The following ETHE1 variants were observed in gnomAD, a reference collection of about 807,000 sequenced individuals.
ETHE1 encodes ETHE1 persulfide dioxygenase.
In ETHE1, 16 loss-of-function variants were observed where a neutral mutation model predicts 25.7. That is an observed-to-expected ratio of 0.62 (90% confidence interval 0.42 to 0.95). ETHE1 has a LOEUF of 0.95. ETHE1 is among the 40% of genes least tolerant of loss of function. The pLI is 0.00. For synonymous variants in ETHE1, 139 were observed against 135.9 expected (o/e 1.02, Z -0.16); for missense variants, 300 against 333.6 (o/e 0.90, Z 0.79).
intron 4 of ETHE1, among the ~76,000 whole-genome samples, chr19:43,509,625 C>G (rs1971868688): frequency 6.6e-6 from 1 of 151,786 alleles, no homozygotes; most frequent in African/African-American, 2.4e-5. Flanking sequence ...AAAACCCTGT[C>G]TCTACTAAAA....
chr19:43,525,358 ACT>A (rs1435781427), intron 3 of ETHE1: 2 of 151,966 alleles, frequency 1.3e-5, no homozygotes, highest in African/African-American at 4.8e-5. Context: ...TCCTCTAAAC[ACT>A]CTGACTCAAA....
At chr19:43,520,537 C>CA (rs1285563829) in intron 3 of ETHE1, among the ~76,000 whole-genome samples, 1 of 151,872 alleles carries the variant, frequency 6.6e-6, no homozygotes, top group African/African-American at 2.4e-5. Context: ...TCTGTCTTTA[C>CA]AAAAAACACA....
At chr19:43,516,818 C>T (rs1289303880) in intron 3 of ETHE1, among the ~76,000 whole-genome samples, 2 of 151,392 alleles carry the variant, frequency 1.3e-5, no homozygotes, top group East Asian at 1.9e-4. Flanking sequence ...TTAGTAGAGA[C>T]GAGGTTTCAT....
At chr19:43,508,161 C>T (rs1310938759) in intron 5 of ETHE1, 101 bp from the exon 6 acceptor site, 3 of 1,552,268 alleles carry the variant, frequency 1.9e-6, no homozygotes, top group Non-Finnish European at 2.6e-6. Context: ...CTGGCAGGGG[C>T]TCTTCCCAGA....
At chr19:43,511,333 C>A in intron 4 of ETHE1, 104 bp downstream of exon 4, 1 of 1,559,016 alleles carries the variant, frequency 6.4e-7, no homozygotes, top group South Asian at 1.1e-5. Context: ...CTGAAGCCCC[C>A]TAAAAGTCTA....
At chr19:43,512,088 C>T (rs1422455888) in intron 3 of ETHE1, among the ~76,000 whole-genome samples, 1 of 152,168 alleles carries the variant, frequency 6.6e-6, no homozygotes, top group African/African-American at 2.4e-5. Context: ...TGAGGCCTCC[C>T]CAGCCATGTG....
intron 3 of ETHE1, among the ~76,000 whole-genome samples, chr19:43,525,124 A>AT (rs1374725173): frequency 6.8e-6 from 1 of 146,956 alleles, no homozygotes. Context: ...CCAGTCTCAA[A>AT]TAAAAAAAAA....
chr19:43,511,712 T>G, intron 3 of ETHE1, 146 bp from the exon 4 acceptor site: 1 of 922,736 alleles, frequency 1.1e-6, no homozygotes, highest in Non-Finnish European at 1.6e-6. Flanking sequence ...TCTTATATTA[T>G]CAGAGTAAAC....
chr19:43,518,984 A>ATGAAATT (rs1483706603), intron 3 of ETHE1, among the ~76,000 whole-genome samples: 1 of 133,040 alleles, frequency 7.5e-6, no homozygotes, highest in Non-Finnish European at 1.6e-5. Flanking sequence ...CTGATGGCTG[A>ATGAAATT]TGAAATTTGT....
rs768669208 is a variant in ETHE1 at position 43,511,466 on chromosome 19, C to T, written c.476G>A (p.Arg159His). The T allele has an allele frequency of 6.0e-5, 97 of 1,614,080 alleles. No homozygotes were observed. Among genetic ancestry groups the T allele is most frequent in the South Asian group, 5.4e-4 (49 of 91,090 alleles). The change falls in exon 4 of 7, where the codon CGT becomes CAT. Residue 159 changes from arginine (R) to histidine (H), a missense_variant. Coordinates refer to ENST00000292147, the MANE Select transcript of ETHE1 (RefSeq NM_014297.5). Reference sequence around the variant, plus strand: ...CTGGAAGTCTGTCCGCCCACACCCACGGATCAACAGGGCATCTCCAGTGAA... The same window carrying T: ...CTGGAAGTCTGTCCGCCCACACCCATGGATCAACAGGGCATCTCCAGTGAA... The part of the protein sequence containing the change: ...MAFTGDALLI[R>H]GCGRTDFQQG...
chr19:43,516,254 C>T (rs1568495898), intron 3 of ETHE1, among the ~76,000 whole-genome samples: 1 of 152,090 alleles, frequency 6.6e-6, no homozygotes. Flanking sequence ...TACCCTGTGG[C>T]TCAACCCTTG....
intron 3 of ETHE1, among the ~76,000 whole-genome samples, chr19:43,516,623 C>CTTTTTTTTTTTTTTTTTTTTT (rs71169249): frequency 9.1e-6 from 1 of 110,172 alleles, no homozygotes; most frequent in Non-Finnish European, 1.7e-5. Flanking sequence ...TTCTTTTTTT[C>CTTTTTTTTTTTTTTTTTTTTT]TTTTTTTTTT....
rs930013866 is a variant in ETHE1, at chr19:43,509,983, T to C, written c.506-1119A>G. The stretch of plus-strand genomic sequence containing the variant: ...GTACTGTGAATGGATAAATGGGAGA[T>C]TGGGAGCCTTGGAGAGAAAAAGACA... On this transcript the variant is annotated intron_variant, in intron 4 of 6. Transcript: ENST00000292147. Among the ~76,000 whole-genome samples, 16 of 152,128 alleles carry C rather than the reference T, an allele frequency of 1.1e-4. 1 individual carries two copies. Among genetic ancestry groups the C allele is most frequent in the South Asian group, 8.3e-4 (4 of 4,810 alleles).
At chr19:43,517,367 C>T (rs74208120) in intron 3 of ETHE1, among the ~76,000 whole-genome samples, 4,939 of 110,110 alleles carry the variant, frequency 0.045, 713 homozygotes, top group Non-Finnish European at 0.063. Context: ...CGGCCAGGCA[C>T]GGTGGCTCAC....
chr19:43,510,347 T>TTC (rs1296831021), intron 4 of ETHE1, among the ~76,000 whole-genome samples: 15 of 150,496 alleles, frequency 1.0e-4, no homozygotes, highest in African/African-American at 3.2e-4. Flanking sequence ...TTTTTTTTTT[T>TTC]TTTTTTGAGA....
chr19:43,515,927 C>T (rs1244722969), intron 3 of ETHE1, among the ~76,000 whole-genome samples: 4 of 151,890 alleles, frequency 2.6e-5, no homozygotes, highest in Admixed American at 2.0e-4. Context: ...AAGTGATTAA[C>T]GAATGGGTAA....
At chr19:43,509,500 A>G (rs1599986068) in intron 4 of ETHE1, among the ~76,000 whole-genome samples, 1 of 32,462 alleles carries the variant, frequency 3.1e-5, no homozygotes, top group East Asian at 1.3e-3. Flanking sequence ...CTGTCTCAAG[A>G]AAAAAAAAAA....
At chr19:43,524,282 G>A (rs1484809433) in intron 3 of ETHE1, among the ~76,000 whole-genome samples, 1 of 151,924 alleles carries the variant, frequency 6.6e-6, no homozygotes, top group African/African-American at 2.4e-5. Context: ...CTATTTGGGA[G>A]GCTGAAACAA....
intron 3 of ETHE1, among the ~76,000 whole-genome samples, chr19:43,524,649 A>T (rs1038724820): frequency 1.3e-5 from 2 of 152,012 alleles, no homozygotes; most frequent in East Asian, 1.9e-4. Context: ...ACAAAAAATT[A>T]AAAAATTAGC....
Sources: allele counts gnomAD v4.1 joint callset (sites outside exome capture counted in the v4.1 genomes callset), GRCh38; gene constraint gnomAD v4.1.1; transcripts MANE v1.5; gene names NCBI Gene and HGNC (gene_info 2026-07-23, HGNC 2026-07-21).